Variants in SDF4 observed in about 807,000 individuals in gnomAD.
SDF4 encodes stromal cell derived factor 4.
In SDF4, 22 loss-of-function variants were observed where a neutral mutation model predicts 34.2. The observed-to-expected ratio is 0.64, with a 90% CI of 0.46 to 0.92. SDF4 has a LOEUF of 0.92. SDF4 is among the 40% of genes least tolerant of loss of function. The pLI is 0.00. For missense variants in SDF4, 447 were observed against 499.9 expected (o/e 0.89, Z 1.01); for synonymous variants, 236 against 203.1 (o/e 1.16, Z -1.38).
intron 3 of SDF4, 38 bp from the exon 4 acceptor site, chr1:1,223,395 C>G: frequency 7.3e-7 from 1 of 1,368,912 alleles, no homozygotes; most frequent in Non-Finnish European, 1.0e-6. Flanking sequence ...GCCTCTGATA[C>G]TGAGCTGAAC....
intron 4 of SDF4, chr1:1,219,633 C>T (rs1336705110): frequency 3.2e-5 from 32 of 986,086 alleles, no homozygotes; most frequent in Non-Finnish European, 3.9e-5. Flanking sequence ...GTGTGTGGCC[C>T]CCGCTCTCCT....
chr1:1,217,928 C>G lies in SDF4; in HGVS notation c.892-240G>C. 1 of 1,105,202 alleles carries G rather than the reference C, an allele frequency of 9.0e-7. No individual in the cohort carries two copies. Among genetic ancestry groups the G allele is most frequent in the Non-Finnish European group, 1.2e-6 (1 of 805,718 alleles). 68.5% of individuals were successfully genotyped at this position (1,105,202 alleles called of 1,614,324 possible). A position where few individuals can be genotyped will look rare whatever the true frequency, so the allele number is the denominator to read the frequency against. On this transcript the variant is annotated intron_variant, in intron 6 of 6. Transcript: ENST00000360001. The surrounding 1 kb of genome is among the most constrained non-coding windows in gnomAD (Gnocchi z 8.5). ...GGCACAGGGGCTACACAGGCCTGGA[C>G]CCCAGTTCTGAAGGATCCCTAACCT...
intron 1 of SDF4, among the ~76,000 whole-genome samples, chr1:1,230,039 G>A (rs1638444766): frequency 6.6e-6 from 1 of 152,256 alleles, no homozygotes; most frequent in Non-Finnish European, 1.5e-5. Flanking sequence ...GGGAAGCAGG[G>A]GCTCACAGGG....
chr1:1,224,024 C>G (rs908203571), intron 2 of SDF4, 56 bp from the exon 3 acceptor site: 26 of 1,597,876 alleles, frequency 1.6e-5, no homozygotes, highest in Middle Eastern at 3.3e-4. Flanking sequence ...GGACCCCGAA[C>G]AGCCAGACGG....
intron 2 of SDF4, among the ~76,000 whole-genome samples, chr1:1,227,068 T>G (rs1638336549): frequency 6.6e-6 from 1 of 152,174 alleles, no homozygotes; most frequent in Non-Finnish European, 1.5e-5. Flanking sequence ...GTCCTCCAGC[T>G]GGCACCGTGC....
chr1:1,222,748 C>A (rs1557517251), intron 4 of SDF4, among the ~76,000 whole-genome samples: 1 of 152,270 alleles, frequency 6.6e-6, no homozygotes, highest in Non-Finnish European at 1.5e-5. Flanking sequence ...CACACGCTCC[C>A]CACCGGACTC....
Position 1,227,485 on chromosome 1 carries a change from G to T in SDF4, c.305+983C>A, listed in dbSNP as rs922403218. Among the ~76,000 whole-genome samples, 3 of 151,944 alleles carry T rather than the reference G, an allele frequency of 2.0e-5. 1 individual carries two copies. Among genetic ancestry groups the T allele is most frequent in the African/African-American group, 7.3e-5 (3 of 41,376 alleles). ...AGGCCCTGCGGGAAGGTGAGCTCGT[G>T]GCCAGGCCCTGCGGCGGGGGCTGCC... On this transcript the variant is annotated intron_variant, in intron 2 of 6. Transcript: ENST00000360001.
Position 1,223,269 on chromosome 1 carries a change from G to A in SDF4, c.531C>T (p.Asn177=), listed in dbSNP as rs181224245. The change falls in exon 4 of 7, where the codon AAC becomes AAT. Residue 177 remains asparagine, a synonymous_variant. Coordinates refer to ENST00000360001, the MANE Select transcript of SDF4 (RefSeq NM_016176.6). The part of the protein sequence containing the change: ...EKEVADAIRL[N]EELKVDEETQ... The stretch of plus-strand genomic sequence containing the variant: ...TTTCCTCATCCACTTTGAGTTCCTC[G>A]TTGAGCCTGATGGCGTCGGCAACCT... 4.2e-5 allele frequency: 68 copies of A among 1,613,996 alleles called. No individual in the cohort carries two copies. The highest frequency in any genetic ancestry group is 3.6e-4 in the East Asian group (16 of 44,884).
chr1:1,227,901 A>AAGG (rs1444251869), intron 2 of SDF4, among the ~76,000 whole-genome samples: 3 of 152,182 alleles, frequency 2.0e-5, no homozygotes, highest in Non-Finnish European at 4.4e-5. Context: ...AGGATGGGCC[A>AAGG]CTGACAGCAC....
chr1:1,220,718 G>A lies in SDF4; in HGVS notation c.557-1791C>T, dbSNP rs905735113. On this transcript the variant is annotated intron_variant, in intron 4 of 6. Coordinates refer to ENST00000360001, the MANE Select transcript of SDF4 (RefSeq NM_016176.6). ...GAAATGTCACAGAGCTCTAGGTCCA[G>A]GTGGGCCATGTCCTGGGCAGAAAAG... The A allele has an allele frequency of 2.3e-6, 3 of 1,289,136 alleles. No individual in the cohort carries two copies. The African/African-American group carries it at 4.6e-5, about 20-fold the overall frequency. 79.9% of individuals were successfully genotyped at this position (1,289,136 alleles called of 1,614,324 possible).
chr1:1,219,285 G>A, intron 4 of SDF4: 1 of 1,175,548 alleles, frequency 8.5e-7, no homozygotes, highest in Non-Finnish European at 1.1e-6. Context: ...ACATGGCCTG[G>A]ACCCCCCACA....
intron 4 of SDF4, chr1:1,220,751 T>C (rs2887286): frequency 0.23 from 294,531 of 1,288,494 alleles, 46,944 homozygotes; most frequent in East Asian, 0.84. Context: ...AAGACCCAAA[T>C]AAAGTGGCAC....
chr1:1,224,073 C>A, intron 2 of SDF4, 105 bp from the exon 3 acceptor site: 1 of 1,543,464 alleles, frequency 6.5e-7, no homozygotes, highest in East Asian at 2.3e-5. Flanking sequence ...CGTGAACCTG[C>A]CACCAACAGC....
intron 2 of SDF4, among the ~76,000 whole-genome samples, chr1:1,224,925 A>G (rs1045320361): frequency 1.3e-5 from 2 of 152,186 alleles, no homozygotes; most frequent in Non-Finnish European, 2.9e-5. Flanking sequence ...AACAAGACAA[A>G]ACAAAATCCT....
intron 2 of SDF4, among the ~76,000 whole-genome samples, chr1:1,224,963 GGAA>G (rs1343003265): frequency 9.2e-5 from 14 of 152,200 alleles, no homozygotes; most frequent in Admixed American, 4.6e-4. Flanking sequence ...GTGAGATTTA[GGAA>G]GAAGACCGTG....
At chr1:1,228,382 G>C in intron 2 of SDF4, 86 bp downstream of exon 2, 2 of 1,401,572 alleles carry the variant, frequency 1.4e-6, no homozygotes, top group Admixed American at 4.9e-5. Flanking sequence ...AGGGCCCGGC[G>C]CCCCCCACCG....
intron 4 of SDF4, among the ~76,000 whole-genome samples, chr1:1,222,709 G>T (rs1336100340): frequency 6.6e-6 from 1 of 152,280 alleles, no homozygotes; most frequent in African/African-American, 2.4e-5. Flanking sequence ...GCCGTGACCA[G>T]CAGAGCTGAA....
chr1:1,227,408 G>GGCGGGAAGGCGAGCTCGTGGCCAGGCCCT (rs1343952145), intron 2 of SDF4: 3 of 119,614 alleles, frequency 2.5e-5, no homozygotes, highest in African/African-American at 6.9e-5. Flanking sequence ...GGCCAGGCCC[G>GGCGGGAAGGCGAGCTCGTGGCCAGGCCCT]GCGGGAAGGC....
At chr1:1,228,064 C>G (rs1233310486) in intron 2 of SDF4, among the ~76,000 whole-genome samples, 1 of 152,242 alleles carries the variant, frequency 6.6e-6, no homozygotes, top group Non-Finnish European at 1.5e-5. Context: ...AGCTCTCCAG[C>G]CACCTGTGGC....
Sources: allele counts gnomAD v4.1 joint callset (sites outside exome capture counted in the v4.1 genomes callset), GRCh38; gene constraint gnomAD v4.1.1; non-coding constraint Gnocchi (gnomAD v3.1); transcripts MANE v1.5; gene names NCBI Gene and HGNC (gene_info 2026-07-23, HGNC 2026-07-21).